MTRR: variants seen among roughly 807,000 people sequenced by gnomAD.
The protein encoded by MTRR is 5-methyltetrahydrofolate-homocysteine methyltransferase reductase, also known as methionine synthase reductase.
In MTRR, 63 loss-of-function variants were observed where a neutral mutation model predicts 79.2. The observed-to-expected ratio is 0.80, with a 90% confidence interval of 0.65 to 0.98. The LOEUF (loss-of-function observed/expected upper bound fraction) is 0.98, where lower values mean the gene tolerates loss of function less well. Ranked by LOEUF, MTRR falls within the 50% of genes least tolerant of loss-of-function variation. MTRR has a pLI of 0.00. For missense variants in MTRR, 895 were observed against 839.6 expected (o/e 1.07, Z -0.82); for synonymous variants, 355 against 313.3 (o/e 1.13, Z -1.41).
chr5:7,864,646 T>C (rs1239102594), upstream of MTRR, among the ~76,000 whole-genome samples: 1 of 152,306 alleles, frequency 6.6e-6, no homozygotes, highest in Non-Finnish European at 1.5e-5. Flanking sequence ...ATGCTAAACT[T>C]CATTAATGCT....
At chr5:7,897,976 T>G (rs1021365260) in intron 14 of MTRR, among the ~76,000 whole-genome samples, 1 of 152,026 alleles carries the variant, frequency 6.6e-6, no homozygotes, top group Non-Finnish European at 1.5e-5. Context: ...CCAGAACATA[T>G]GGATAAAGAT....
intron 1 of MTRR, chr5:7,861,441 A>T: frequency 1.6e-6 from 1 of 635,046 alleles, no homozygotes; most frequent in Non-Finnish European, 2.5e-6. Flanking sequence ...ATTACAAGGA[A>T]TTTCCCAACA....
At chr5:7,868,307 C>T (rs1747209662), upstream of MTRR, 2 of 479,800 alleles carry the variant, frequency 4.2e-6, no homozygotes, top group Admixed American at 7.6e-5. Context: ...CAATAACAAT[C>T]GCTATTACTT....
Position 7,892,851 on chromosome 5 carries a change from T to G in MTRR, c.1495T>G (p.Ser499Ala), listed in dbSNP as rs1737851541. 2 of 1,614,100 alleles carry G rather than the reference T, an allele frequency of 1.2e-6. No individual in the cohort carries two copies. Among genetic ancestry groups the G allele is most frequent in the South Asian group, 2.2e-5 (2 of 91,088 alleles). ...AGGCTGGCTGGCCTTGTTGGTTGCTTCAGTTCTTCAGCCAAACATACATGC... is the reference window on the plus strand; with the variant it reads ...AGGCTGGCTGGCCTTGTTGGTTGCTGCAGTTCTTCAGCCAAACATACATGC... The part of the protein sequence containing the change: ...CTGWLALLVA[S>A]VLQPNIHASH... The change falls in exon 11 of 15, where the codon TCA (serine) becomes GCA (alanine). Residue 499 changes from serine (S) to alanine (A), a missense_variant. By Grantham distance (99) the Ser-to-Ala change is moderately conservative. Coordinates refer to ENST00000440940, the MANE Select transcript of MTRR (RefSeq NM_002454.3).
chr5:7,878,101 A>G lies in MTRR; in HGVS notation c.559A>G (p.Ile187Val), dbSNP rs752182014. Reference sequence around the variant, plus strand: ...CCTTGTGAAGTCAGAGCTGCTACACATTGAATCTCAAGTCGAGCTTCTGAG... The same window carrying G: ...CCTTGTGAAGTCAGAGCTGCTACACGTTGAATCTCAAGTCGAGCTTCTGAG... ...TDLVKSELLH[I>V]ESQVELLRFD... is the part of the protein sequence containing the mutation. Residue 187 changes from isoleucine (I) to valine (V), a missense_variant, in exon 5 of 15, where the codon ATT becomes GTT. Physicochemically the swap from Ile to Val is conservative, Grantham distance 29 (BLOSUM62 3). Transcript: ENST00000440940. 18 of 1,614,084 alleles carry G rather than the reference A, an allele frequency of 1.1e-5. No homozygotes were observed. The East Asian group carries it at 2.0e-4, about 18-fold the overall frequency.
intron 2 of MTRR, chr5:7,863,282 G>A: frequency 2.8e-6 from 1 of 361,236 alleles, no homozygotes; most frequent in South Asian, 3.0e-5. Context: ...GGAGTGAGGA[G>A]AGAGTGAGAA....
At chr5:7,851,342 A>G (rs572082379) in exon 1 of MTRR, 61 of 277,556 alleles carry the variant, frequency 2.2e-4, no homozygotes, top group African/African-American at 1.3e-3. Flanking sequence ...CCCATGCAGC[A>G]GCCCCTGCTT....
intron 1 of MTRR, chr5:7,861,334 T>C: frequency 5.7e-6 from 5 of 883,128 alleles, no homozygotes. Flanking sequence ...ATATTTTAGT[T>C]GCCAAAGTTT....
intron 1 of MTRR, 104 bp downstream of exon 1, chr5:7,869,319 C>T (rs533761976): frequency 1.1e-5 from 15 of 1,413,854 alleles, no homozygotes; most frequent in East Asian, 9.4e-5. Flanking sequence ...GGCTTGCGCC[C>T]GTGGTTCCCA....
At chr5:7,870,075 A>T (rs140047002) in intron 1 of MTRR, 1 of 985,104 alleles carries the variant, frequency 1.0e-6, no homozygotes, top group Non-Finnish European at 1.2e-6. Flanking sequence ...CGTTTGTTTT[A>T]CTACTGCTTA....
intron 11 of MTRR, among the ~76,000 whole-genome samples, chr5:7,895,222 T>C (rs1738297897): frequency 6.6e-6 from 1 of 152,196 alleles, no homozygotes; most frequent in Admixed American, 6.5e-5. Flanking sequence ...TGTTTAGTTA[T>C]AACAAAAATA....
intron 9 of MTRR, among the ~76,000 whole-genome samples, chr5:7,889,854 AC>A (rs1373229545): frequency 6.6e-6 from 1 of 152,130 alleles, no homozygotes; most frequent in African/African-American, 2.4e-5. Context: ...CAGGCAGAGA[AC>A]CATCATCCCA....
chr5:7,864,257 AAAC>A (rs553105092), upstream of MTRR, among the ~76,000 whole-genome samples: 20 of 152,154 alleles, frequency 1.3e-4, 1 homozygote, highest in Non-Finnish European at 2.5e-4. Context: ...ACATATTTCA[AAAC>A]AACATGAACA....
upstream of MTRR, chr5:7,867,413 C>T: frequency 6.2e-7 from 1 of 1,614,180 alleles, no homozygotes; most frequent in Non-Finnish European, 8.5e-7. Flanking sequence ...TGTAATCAGA[C>T]TTTCCCCAAG....
intron 14 of MTRR, 124 bp downstream of exon 14, chr5:7,897,371 A>G (rs1203098885): frequency 3.1e-6 from 3 of 982,402 alleles, no homozygotes; most frequent in African/African-American, 3.2e-5. Flanking sequence ...TCTTAAGTAC[A>G]GGAATAGAAA....
chr5:7,884,904 A>G (rs935162488), intron 6 of MTRR, among the ~76,000 whole-genome samples: 5 of 152,206 alleles, frequency 3.3e-5, no homozygotes, highest in African/African-American at 7.2e-5. Context: ...TCAAAACTAG[A>G]TGGTTTTGCA....
chr5:7,868,200 G>GA (rs34274545), upstream of MTRR: 2,812 of 224,300 alleles, frequency 0.013, 28 homozygotes, highest in South Asian at 0.027. Context: ...CGAGTATCTG[G>GA]AAAAAAAAAA....
At chr5:7,857,497 G>A (rs184525413) in intron 1 of MTRR, among the ~76,000 whole-genome samples, 19 of 152,330 alleles carry the variant, frequency 1.2e-4, no homozygotes, top group African/African-American at 3.6e-4. Flanking sequence ...GGCCAACCCT[G>A]TATGCTTTAC....
At chr5:7,897,833 A>G (rs17267793) in intron 14 of MTRR, among the ~76,000 whole-genome samples, 33,465 of 152,136 alleles carry the variant, frequency 0.22, 4,416 homozygotes, top group Non-Finnish European at 0.29. Flanking sequence ...AATTTCTGCT[A>G]GTTAAAAAGG....
Sources: allele counts gnomAD v4.1 joint callset (sites outside exome capture counted in the v4.1 genomes callset), GRCh38; gene constraint gnomAD v4.1.1; transcripts MANE v1.5; gene names NCBI Gene and HGNC (gene_info 2026-07-23, HGNC 2026-07-21).